Variants in FILIP1 observed in about 807,000 individuals in gnomAD.
The protein encoded by FILIP1 is filamin A interacting protein 1.
A neutral mutation model predicts 102.1 loss-of-function variants in FILIP1; 61 were observed. That is an observed-to-expected ratio of 0.60 (90% confidence interval 0.49 to 0.74). The LOEUF (loss-of-function observed/expected upper bound fraction) is 0.74, where lower values mean the gene tolerates loss of function less well. Among genes scored for constraint, FILIP1 ranks in the 30% least tolerant of loss-of-function variants. FILIP1 has a pLI of 0.00. For missense variants in FILIP1, 1,314 were observed against 1,441.2 expected, an observed-to-expected ratio of 0.91 and a Z score of 1.43; for synonymous variants, 491 against 526.9, an observed-to-expected ratio of 0.93 and a Z score of 0.93.
chr6:75,397,669 G>A (rs991998421), intron 2 of FILIP1, among the ~76,000 whole-genome samples: 4 of 151,566 alleles, frequency 2.6e-5, no homozygotes, highest in Non-Finnish European at 5.9e-5. Flanking sequence ...TTCAAAAACA[G>A]TAATGTTAAG....
chr6:75,322,112 CAT>C lies in FILIP1; in HGVS notation c.630-6912_630-6911del, dbSNP rs973774439. Among the ~76,000 whole-genome samples the C allele has an allele frequency of 8.6e-4, 131 of 152,260 alleles. 1 individual carries two copies. Among genetic ancestry groups the C allele is most frequent in the African/African-American group, 3.2e-3 (131 of 41,562 alleles). On this transcript the variant is annotated intron_variant, in intron 4 of 5. Coordinates refer to ENST00000237172, the MANE Select transcript of FILIP1 (RefSeq NM_015687.5). The stretch of plus-strand genomic sequence containing the variant: ...TTGCAGATGTTTTTTTCTCTTCCCT[CAT>C]ATTTAGAAATCCTCATTTTACATTA...
chr6:75,316,264 C>T (rs970734808), intron 4 of FILIP1, among the ~76,000 whole-genome samples: 2 of 151,956 alleles, frequency 1.3e-5, no homozygotes, highest in Non-Finnish European at 2.9e-5. Flanking sequence ...ATCATATTTG[C>T]CATGTTAGTG....
intron 2 of FILIP1, among the ~76,000 whole-genome samples, chr6:75,404,269 G>C (rs1776758478): frequency 6.6e-6 from 1 of 152,046 alleles, no homozygotes; most frequent in Non-Finnish European, 1.5e-5. Flanking sequence ...CAACACTGCC[G>C]TACCAGAAAC....
intron 2 of FILIP1, among the ~76,000 whole-genome samples, chr6:75,388,939 G>A (rs1259853205): frequency 6.6e-6 from 1 of 152,180 alleles, no homozygotes; most frequent in Non-Finnish European, 1.5e-5. Flanking sequence ...GGGCATCCTT[G>A]TCTTGTGCCG....
At chr6:75,452,635 ATAGGAAAT>A (rs1778673726) in intron 1 of FILIP1, among the ~76,000 whole-genome samples, 1 of 152,218 alleles carries the variant, frequency 6.6e-6, no homozygotes, top group African/African-American at 2.4e-5. Flanking sequence ...TATTCACGTT[ATAGGAAAT>A]TACACAGAAG....
chr6:75,323,402 G>T (rs977475063), intron 4 of FILIP1, among the ~76,000 whole-genome samples: 2 of 152,140 alleles, frequency 1.3e-5, no homozygotes, highest in African/African-American at 4.8e-5. Context: ...TAAAACCCTG[G>T]AAAGTGTTCC....
Position 75,314,276 on chromosome 6 carries a change from A to AT in FILIP1, c.1555dup (p.Ile519AsnfsTer13). On this transcript the variant is annotated frameshift_variant, in exon 5 of 6. Transcript: ENST00000237172. LOFTEE classifies it high-confidence loss of function. The stretch of plus-strand genomic sequence containing the variant: ...ATCCACTTTTCTCTCTTCTTGTTTT[A>AT]TTTTTTCCATCATATTTTTCCTTTC... 1.3e-6 allele frequency: 2 copies of AT among 1,540,152 alleles called. No individual in the cohort carries two copies. Among genetic ancestry groups the AT allele is most frequent in the Admixed American group, 2.5e-5 (1 of 40,738 alleles).
chr6:75,375,150 C>G (rs747912526), intron 2 of FILIP1, among the ~76,000 whole-genome samples: 1 of 152,234 alleles, frequency 6.6e-6, no homozygotes, highest in African/African-American at 2.4e-5. Context: ...TAGCCCACCC[C>G]CATCGGCCCT....
At chr6:75,420,184 GA>G (rs1239071442) in intron 1 of FILIP1, among the ~76,000 whole-genome samples, 2 of 151,612 alleles carry the variant, frequency 1.3e-5, no homozygotes, top group Non-Finnish European at 1.5e-5. Context: ...GTGGCAAATA[GA>G]AAAATATTAT....
At chr6:75,394,593 C>A (rs72887218) in intron 2 of FILIP1, among the ~76,000 whole-genome samples, 3,967 of 152,046 alleles carry the variant, frequency 0.026, 70 homozygotes, top group Non-Finnish European at 0.041. Context: ...CAATAAAAGA[C>A]CAACAATTCA....
Position 75,414,722 on chromosome 6 carries a change from AG to A in FILIP1, c.250del (p.Leu84SerfsTer3). 1.9e-6 allele frequency: 3 copies of A among 1,613,682 alleles called. No individual in the cohort carries two copies. The highest frequency in any genetic ancestry group is 2.5e-6 in the Non-Finnish European group (3 of 1,179,720). On this transcript the variant is annotated frameshift_variant, in exon 2 of 6. Transcript: ENST00000237172. LOFTEE classifies it high-confidence loss of function. ...ELSKEDLIQL[L>X]SIMEGELQAR... Reference sequence around the variant, plus strand: ...CTGCAACTCCCCTTCCATTATACTGAGTAGTTGGATGAGGTCTTCTTTGGAT... The same window carrying A: ...CTGCAACTCCCCTTCCATTATACTGATAGTTGGATGAGGTCTTCTTTGGAT...
intron 1 of FILIP1, among the ~76,000 whole-genome samples, chr6:75,431,091 C>T (rs1329730043): frequency 6.6e-6 from 1 of 152,144 alleles, no homozygotes. Context: ...TCATACGGCA[C>T]TGTTATCCAT....
At chr6:75,365,798 TAAAGAAA>T (rs1393778715) in intron 2 of FILIP1, among the ~76,000 whole-genome samples, 1 of 151,926 alleles carries the variant, frequency 6.6e-6, no homozygotes, top group Non-Finnish European at 1.5e-5. Flanking sequence ...AGTACCTTCA[TAAAGAAA>T]AAAGAAATAC....
intron 4 of FILIP1, among the ~76,000 whole-genome samples, chr6:75,326,832 A>G (rs916904012): frequency 3.9e-5 from 6 of 152,266 alleles, no homozygotes; most frequent in Admixed American, 1.3e-4. Flanking sequence ...GTTTAGGTTA[A>G]CTTCATCTTG....
intron 1 of FILIP1, among the ~76,000 whole-genome samples, chr6:75,462,407 G>A (rs1320995577): frequency 6.6e-6 from 1 of 152,088 alleles, no homozygotes. Flanking sequence ...GAATGGCAGG[G>A]TCACTGGCTA....
At chr6:75,322,088 T>C (rs923587716) in intron 4 of FILIP1, among the ~76,000 whole-genome samples, 1 of 152,198 alleles carries the variant, frequency 6.6e-6, no homozygotes, top group Admixed American at 6.5e-5. Flanking sequence ...GCATTCCACT[T>C]GCAGATGTTT....
chr6:75,374,979 C>T (rs921691547), intron 2 of FILIP1, among the ~76,000 whole-genome samples: 2 of 152,154 alleles, frequency 1.3e-5, no homozygotes, highest in South Asian at 2.1e-4. Flanking sequence ...GACTGAGTGG[C>T]GGGTGGCCTT....
intron 1 of FILIP1, among the ~76,000 whole-genome samples, chr6:75,435,354 T>A (rs2998391): frequency 3.3e-5 from 5 of 152,162 alleles, no homozygotes; most frequent in African/African-American, 1.2e-4. Flanking sequence ...CTTCAGAAGA[T>A]GATTTTAAAT....
At chr6:75,439,866 A>T (rs930023703) in intron 1 of FILIP1, among the ~76,000 whole-genome samples, 1 of 152,250 alleles carries the variant, frequency 6.6e-6, no homozygotes, top group Non-Finnish European at 1.5e-5. Context: ...AAAGAGGGAA[A>T]ATAAATCAGC....
Sources: gnomAD v4.1 joint callset for allele counts (sites outside exome capture counted in the v4.1 genomes callset) on GRCh38, gnomAD v4.1.1 for gene constraint, MANE v1.5 for transcripts, NCBI Gene and HGNC (gene_info 2026-07-23, HGNC 2026-07-21) for gene names.